Variants in BRWD1 observed in about 807,000 individuals in gnomAD.
BRWD1 encodes the protein bromodomain and WD repeat domain containing 1, also known as bromodomain and WD repeat-containing protein 1.
Under a neutral mutation model 251.2 loss-of-function variants are expected in BRWD1, and 82 were observed. The observed-to-expected ratio is 0.33, with a 90% CI of 0.27 to 0.39. The LOEUF (loss-of-function observed/expected upper bound fraction) is 0.39. Ranked by LOEUF, BRWD1 falls within the 10% of genes least tolerant of loss-of-function variation. BRWD1 has a pLI of 1.00. For missense variants in BRWD1, 2,233 were observed against 2,711.6 expected (o/e 0.82, Z 3.92); for synonymous variants, 918 against 902.8 (o/e 1.02, Z -0.30).
In BRWD1 at chr21:39,206,249, G is replaced by T; in HGVS notation, c.4223C>A (p.Ser1408Tyr). The T allele has an allele frequency of 6.2e-7, 1 of 1,600,468 alleles. No homozygotes were observed. Among genetic ancestry groups the T allele is most frequent in the Non-Finnish European group, 8.5e-7 (1 of 1,169,984 alleles). ...CTTCATTTTTTCTTCAAATAAGGCA[G>T]ATAATCTCAAGGTCATACTATAAAT... ...SKIYSMTLRL[S>Y]ALFEEKMKKI... The change falls in exon 37 of 41, where the codon TCT (serine) becomes TAT (tyrosine). Residue 1408 changes from serine (S) to tyrosine (Y), a missense_variant. By Grantham distance (144) the Ser-to-Tyr change is moderately radical. This residue lies in a region of BRWD1 where 69 missense variants were observed against 101.6 expected (regional missense o/e 0.68). Coordinates refer to ENST00000342449, the MANE Select transcript of BRWD1 (RefSeq NM_033656.4).
chr21:39,306,016 C>G (rs1289093429), intron 4 of BRWD1, among the ~76,000 whole-genome samples: 1 of 151,188 alleles, frequency 6.6e-6, no homozygotes, highest in Non-Finnish European at 1.5e-5. Flanking sequence ...CCAGCCTGGA[C>G]AACAAGAGAC....
At position 39,199,577 on chromosome 21, in the gene BRWD1, C is replaced by A. The variant is rs1430244836; in HGVS notation, c.4839G>T (p.Glu1613Asp). The change falls in exon 40 of 41, where the codon GAG (glutamate) becomes GAT (aspartate). Residue 1613 changes from glutamate to aspartate, a missense_variant. Glu to Asp is a conservative substitution (Grantham distance 45). Around this residue, in one of 12 missense-constraint regions of BRWD1, gnomAD observed 928 missense variants for 970.0 expected, o/e 0.96. Transcript: ENST00000342449. ...CTCTGGCTTTTAGAATTTCACCAGT[C>A]TCCAATGAATTGTTATCAGAATCAC... ...YLSDSDNNSL[E>D]TGEILKARAG... The A allele has an allele frequency of 1.2e-6, 2 of 1,614,050 alleles. No individual in the cohort carries two copies. The highest frequency in any genetic ancestry group is 2.2e-5 in the South Asian group (2 of 91,090).
At chr21:39,201,220 A>G (rs2032094878) in intron 38 of BRWD1, among the ~76,000 whole-genome samples, 1 of 152,070 alleles carries the variant, frequency 6.6e-6, no homozygotes, top group Admixed American at 6.5e-5. Flanking sequence ...TGTGATACCA[A>G]AATACTAGAC....
intron 31 of BRWD1, among the ~76,000 whole-genome samples, chr21:39,216,249 A>G (rs1452241452): frequency 6.6e-6 from 1 of 152,226 alleles, no homozygotes; most frequent in African/African-American, 2.4e-5. Flanking sequence ...AGCCAAAGAT[A>G]AAAAGTCAGT....
chr21:39,265,143 G>A, intron 15 of BRWD1, 124 bp from the exon 16 acceptor site: 2 of 1,032,964 alleles, frequency 1.9e-6, no homozygotes, highest in Non-Finnish European at 2.7e-6. Flanking sequence ...AAAAGTTTCA[G>A]CCAGGCATGG....
At chr21:39,296,025 A>C (rs1201255116) in intron 6 of BRWD1, 122 bp from the exon 7 acceptor site, 4 of 820,610 alleles carry the variant, frequency 4.9e-6, no homozygotes, top group Non-Finnish European at 7.0e-6. Flanking sequence ...CTAATGACAC[A>C]ATTTCTTCCC....
At chr21:39,244,597 A>G (rs2034114738) in intron 21 of BRWD1, among the ~76,000 whole-genome samples, 1 of 152,184 alleles carries the variant, frequency 6.6e-6, no homozygotes, top group African/African-American at 2.4e-5. Context: ...GATTTTGTAT[A>G]TCCTTGACAG....
In BRWD1 at chr21:39,195,028, A is replaced by G; in HGVS notation, c.*1231T>C. 1 of 1,358,048 alleles carries G rather than the reference A, an allele frequency of 7.4e-7. No homozygotes were observed. Among genetic ancestry groups the G allele is most frequent in the Non-Finnish European group, 9.5e-7 (1 of 1,057,260 alleles). The allele number at this position is 1,358,048 out of a possible 1,614,324, so 84.1% of individuals were successfully genotyped here. ...ACTGGAGTAGCATAACCTATCAAGT[A>G]TTTGGTTAGAAAATAAGTGTACTAT... On this transcript the variant is annotated 3_prime_UTR_variant, in exon 41 of 41. Transcript: ENST00000342449.
intron 14 of BRWD1, 96 bp downstream of exon 14, chr21:39,270,183 TGAGA>T (rs577655330): frequency 3.2e-5 from 40 of 1,254,222 alleles, no homozygotes; most frequent in Non-Finnish European, 3.7e-5. Context: ...ATAGTTTACA[TGAGA>T]GAAACAACTT....
intron 25 of BRWD1, among the ~76,000 whole-genome samples, chr21:39,231,082 G>A (rs1433355305): frequency 1.3e-5 from 2 of 151,998 alleles, no homozygotes; most frequent in Non-Finnish European, 2.9e-5. Flanking sequence ...TACAAGCAGA[G>A]CCATTAAGTT....
intron 4 of BRWD1, among the ~76,000 whole-genome samples, chr21:39,303,205 T>C: frequency 6.6e-6 from 1 of 151,864 alleles, no homozygotes; most frequent in East Asian, 1.9e-4. Context: ...AAAAGAATAA[T>C]AAAAGGATAT....
intron 4 of BRWD1, chr21:39,312,431 T>A (rs887677544): frequency 1.8e-5 from 3 of 165,942 alleles, no homozygotes; most frequent in Non-Finnish European, 4.0e-5. Context: ...AGGGAACAAG[T>A]GGGGGGACAG....
In BRWD1 at chr21:39,214,060, GAAGT is replaced by G. The variant is rs1229793893; in HGVS notation, c.3786-511_3786-508del. Among the ~76,000 whole-genome samples, 3 of 152,134 alleles carry G rather than the reference GAAGT, an allele frequency of 2.0e-5. No individual in the cohort carries two copies. In the South Asian group the frequency reaches 6.2e-4, roughly 32 times the overall value. On this transcript the variant is annotated intron_variant, in intron 32 of 40. Coordinates refer to ENST00000342449, the MANE Select transcript of BRWD1 (RefSeq NM_033656.4). ...ACAAAAATGGGTAGATAATTTTCCT[GAAGT>G]AAGAACAAGAAGGTGATTCTGGGGA...
At chr21:39,270,181 CAT>C in intron 14 of BRWD1, 100 bp downstream of exon 14, 1 of 1,244,572 alleles carries the variant, frequency 8.0e-7, no homozygotes, top group Non-Finnish European at 1.1e-6. Context: ...TCATAGTTTA[CAT>C]GAGAGAAACA....
intron 38 of BRWD1, 41 bp downstream of exon 38, chr21:39,202,284 G>T: frequency 6.8e-7 from 1 of 1,468,512 alleles, no homozygotes; most frequent in African/African-American, 1.4e-5. Flanking sequence ...TTACACATTT[G>T]GGTGCTCAGC....
intron 8 of BRWD1, among the ~76,000 whole-genome samples, chr21:39,285,841 G>A (rs1364689473): frequency 7.3e-6 from 1 of 137,714 alleles, no homozygotes; most frequent in East Asian, 2.2e-4. Context: ...TCAGGAGGGT[G>A]AGGGGGGAGC....
intron 8 of BRWD1, among the ~76,000 whole-genome samples, chr21:39,288,734 C>T (rs2035718655): frequency 6.6e-6 from 1 of 152,112 alleles, no homozygotes; most frequent in Non-Finnish European, 1.5e-5. Context: ...AAAATGTTAT[C>T]AAGAAAATCG....
At chr21:39,312,183 G>A (rs1424294382) in intron 4 of BRWD1, among the ~76,000 whole-genome samples, 1 of 152,072 alleles carries the variant, frequency 6.6e-6, no homozygotes, top group African/African-American at 2.4e-5. Flanking sequence ...AAGATTAACC[G>A]AGCTCAAAAG....
intron 4 of BRWD1, 116 bp downstream of exon 4, chr21:39,312,724 GC>G: frequency 6.5e-6 from 4 of 613,356 alleles, no homozygotes; most frequent in South Asian, 2.2e-5. Flanking sequence ...TCCCCGGGCC[GC>G]CCCCCAGTGC....
Sources: allele counts gnomAD v4.1 joint callset (sites outside exome capture counted in the v4.1 genomes callset), GRCh38; gene constraint gnomAD v4.1.1; regional missense constraint gnomAD v4.1.1; transcripts MANE v1.5; gene names NCBI Gene and HGNC (gene_info 2026-07-23, HGNC 2026-07-21).